SMTN: variants seen among roughly 807,000 people sequenced by gnomAD.
SMTN encodes smoothelin.
Under a neutral mutation model 102.0 loss-of-function variants are expected in SMTN, and 58 were observed. The ratio of observed to expected loss-of-function variants is 0.57; its 90% CI spans 0.46 to 0.71. SMTN has a LOEUF of 0.71. Ranked by LOEUF, SMTN falls within the 30% of genes least tolerant of loss-of-function variation. The probability of loss-of-function intolerance (pLI) is 0.00; values close to 1 mark genes in which losing one functional copy is unlikely to be tolerated. For synonymous variants in SMTN, 478 were observed against 497.9 expected (o/e 0.96, Z 0.53); for missense variants, 1,185 against 1,241.7 (o/e 0.95, Z 0.69).
intron 19 of SMTN, among the ~76,000 whole-genome samples, chr22:31,100,600 T>A (rs1429019110): frequency 1.3e-5 from 2 of 151,838 alleles, no homozygotes; most frequent in African/African-American, 4.8e-5. Flanking sequence ...CCCCTAGAGT[T>A]CTCTGCACCT....
At chr22:31,072,547 C>T (rs1322835951) in intron 1 of SMTN, among the ~76,000 whole-genome samples, 1 of 152,068 alleles carries the variant, frequency 6.6e-6, no homozygotes, top group African/African-American at 2.4e-5. Context: ...CTGCAACGTC[C>T]GCCTTCCGGG....
chr22:31,064,764 G>T (rs1264969198), intron 1 of SMTN: 4 of 152,190 alleles, frequency 2.6e-5, no homozygotes, highest in Non-Finnish European at 5.9e-5. Context: ...TGCAAAAATA[G>T]TTCAGAGTTA....
chr22:31,072,695 C>T (rs1403467052), intron 1 of SMTN, among the ~76,000 whole-genome samples: 2 of 152,332 alleles, frequency 1.3e-5, no homozygotes, highest in East Asian at 3.9e-4. Context: ...CTCCTGACCT[C>T]TGGTGATCTG....
chr22:31,086,928 C>T (rs535683927), intron 2 of SMTN, among the ~76,000 whole-genome samples: 10 of 152,172 alleles, frequency 6.6e-5, no homozygotes, highest in Non-Finnish European at 7.4e-5. Context: ...AAAGGAATGA[C>T]GGGGGGGCGC....
In SMTN at chr22:31,095,646, C is replaced by T. The variant is rs776686762; in HGVS notation, c.1861+37C>T. On this transcript the variant is annotated intron_variant, in intron 13 of 20. Coordinates refer to ENST00000333137, the MANE Select transcript of SMTN (RefSeq NM_134269.3). This position sits in a 1 kb window ranked among gnomAD's most constrained non-coding sequence, Gnocchi z 4.1. ...GTTGCCCTACCCTAGATCCAGCTGC[C>T]CCATTCCCCAGCTGCTCCCCTCATA... The T allele has an allele frequency of 1.6e-5, 25 of 1,560,004 alleles. No homozygotes were observed. The South Asian group carries it at 2.7e-4, about 17-fold the overall frequency.
intron 16 of SMTN, among the ~76,000 whole-genome samples, chr22:31,098,083 G>A (rs1422891345): frequency 6.6e-6 from 1 of 152,334 alleles, no homozygotes; most frequent in Admixed American, 6.5e-5. Flanking sequence ...TGTAACAGAG[G>A]CTGTTGGGGC....
Position 31,091,434 on chromosome 22 carries a change from C to T in SMTN, c.1411C>T (p.Gln471Ter), listed in dbSNP as rs780354096. 2 of 1,536,468 alleles carry T rather than the reference C, an allele frequency of 1.3e-6. No homozygotes were observed. Among genetic ancestry groups the T allele is most frequent in the Non-Finnish European group, 1.7e-6 (2 of 1,145,904 alleles). ...CATCGAGATCAAGGACGGCCGTGGC[C>T]AGGCCTCCACAGGCCGGGTGCTGCT... ...FTIEIKDGRG[Q>*]ASTGRVLLPT... The change falls in exon 10 of 21, where the codon CAG becomes TAG. Residue 471 changes from glutamine to a stop codon, truncating the protein, a stop_gained. Coordinates refer to ENST00000333137, the MANE Select transcript of SMTN (RefSeq NM_134269.3). LOFTEE classifies it high-confidence loss of function.
chr22:31,085,390 AC>A, intron 2 of SMTN: 1 of 1,131,058 alleles, frequency 8.8e-7, no homozygotes, highest in Non-Finnish European at 1.2e-6. Flanking sequence ...CGCCGGCGGG[AC>A]CCCCATGGGC....
chr22:31,070,507 C>T (rs1244528641), intron 1 of SMTN, among the ~76,000 whole-genome samples: 2 of 152,078 alleles, frequency 1.3e-5, no homozygotes, highest in Non-Finnish European at 2.9e-5. Flanking sequence ...CCCACCCCCA[C>T]GTCGAGACCA....
intron 11 of SMTN, among the ~76,000 whole-genome samples, chr22:31,093,143 A>G (rs2043258117): frequency 6.6e-6 from 1 of 152,236 alleles, no homozygotes; most frequent in South Asian, 2.1e-4. Context: ...TGATCTTCAG[A>G]ACCCATGCAG....
At chr22:31,093,789 C>G in intron 11 of SMTN, 1 of 1,593,766 alleles carries the variant, frequency 6.3e-7, no homozygotes, top group Non-Finnish European at 8.5e-7. Context: ...TTCAGGCTGC[C>G]GAGGATGCCG....
chr22:31,099,322 G>A, intron 18 of SMTN, 143 bp downstream of exon 18: 1 of 623,680 alleles, frequency 1.6e-6, no homozygotes, highest in African/African-American at 1.8e-5. Context: ...TTGGGGTGAG[G>A]AAACTGAGGC....
chr22:31,085,928 G>C (rs941469117), intron 2 of SMTN, among the ~76,000 whole-genome samples: 1 of 152,214 alleles, frequency 6.6e-6, no homozygotes, highest in Non-Finnish European at 1.5e-5. Flanking sequence ...GCTTTTGTCA[G>C]AGACAAGGAC....
chr22:31,102,336 C>T (rs1371179710), intron 20 of SMTN: 4 of 152,208 alleles, frequency 2.6e-5, no homozygotes, highest in Non-Finnish European at 5.9e-5. Flanking sequence ...TGGCTGTTTT[C>T]CTTGCCCCAT....
intron 1 of SMTN, among the ~76,000 whole-genome samples, chr22:31,070,895 G>C (rs532235712): frequency 2.9e-5 from 4 of 138,194 alleles, no homozygotes; most frequent in African/African-American, 1.1e-4. Flanking sequence ...TTGCACTCCA[G>C]CCTGGGTGAC....
intron 1 of SMTN, among the ~76,000 whole-genome samples, chr22:31,069,707 AGCACCTAACTGTGTGCATG>A (rs2041952399): frequency 6.6e-6 from 1 of 152,202 alleles, no homozygotes. Context: ...GCACAGATTG[AGCACCTAACTGTGTGCATG>A]GCTCTGTGCT....
At position 31,091,359 on chromosome 22, in the gene SMTN, G is replaced by C. The variant is rs540090792; in HGVS notation, c.1336G>C (p.Val446Leu). 3.1e-6 allele frequency: 5 copies of C among 1,605,360 alleles called. No individual in the cohort carries two copies. The African/African-American group carries it at 5.4e-5, about 17-fold the overall frequency. ...AGAGGAGCCTGGTGCCCCGCTGCCC[G>C]TGGCCGTCGGCACTGCCGAGCCAGG... ...RSEEPGAPLP[V>L]AVGTAEPGGS... Residue 446 changes from valine to leucine, a missense_variant, in exon 10 of 21, where the codon GTG becomes CTG. This residue lies in a region of SMTN where 1,096 missense variants were observed against 1,112.7 expected (regional missense o/e 0.98). Coordinates refer to ENST00000333137, the MANE Select transcript of SMTN (RefSeq NM_134269.3).
chr22:31,098,550 T>C, intron 16 of SMTN, 117 bp from the exon 17 acceptor site: 3 of 954,772 alleles, frequency 3.1e-6, no homozygotes, highest in East Asian at 2.5e-5. Context: ...TGGCAGGCGT[T>C]TGTGGCAGTG....
At chr22:31,093,589 G>T (rs62236130) in intron 11 of SMTN, 1 of 746,234 alleles carries the variant, frequency 1.3e-6, no homozygotes, top group Non-Finnish European at 2.5e-6. Flanking sequence ...TGTAGCCACC[G>T]TGGAGCCGGT....
Sources: allele counts gnomAD v4.1 joint callset (sites outside exome capture counted in the v4.1 genomes callset), GRCh38; gene constraint gnomAD v4.1.1; regional missense constraint gnomAD v4.1.1; non-coding constraint Gnocchi (gnomAD v3.1); transcripts MANE v1.5; gene names NCBI Gene and HGNC (gene_info 2026-07-23, HGNC 2026-07-21).